The following QKI variants were observed in gnomAD, a reference collection of about 807,000 sequenced individuals.
QKI encodes the protein KH domain-containing RNA-binding protein QKI.
A neutral mutation model predicts 39.0 loss-of-function variants in QKI; 10 were observed. The ratio of observed to expected loss-of-function variants is 0.26; its 90% CI spans 0.16 to 0.43. The LOEUF (loss-of-function observed/expected upper bound fraction) is 0.43. Among genes scored for constraint, QKI ranks in the 20% least tolerant of loss-of-function variants. The pLI, the probability that QKI is intolerant of heterozygous loss-of-function variation, is 1.00. For missense variants in QKI, 218 were observed against 428.0 expected, an observed-to-expected ratio of 0.51 and a Z score of 4.33; for synonymous variants, 204 against 155.4, an observed-to-expected ratio of 1.31 and a Z score of -2.33.
chr6:163,549,206 G>C (rs1782072650), intron 4 of QKI, among the ~76,000 whole-genome samples: 1 of 152,040 alleles, frequency 6.6e-6, no homozygotes, highest in Non-Finnish European at 1.5e-5. Context: ...CAGAGAGGTT[G>C]AGGGGGGGGA....
intron 1 of QKI, among the ~76,000 whole-genome samples, chr6:163,439,568 G>C (rs1035928498): frequency 6.6e-6 from 1 of 150,694 alleles, no homozygotes; most frequent in Non-Finnish European, 1.5e-5. Flanking sequence ...TGGCCAGGCT[G>C]TTCTCAAACT....
chr6:163,561,913 G>A (rs2128250150), intron 4 of QKI, 69 bp from the exon 5 acceptor site: 1 of 1,201,672 alleles, frequency 8.3e-7, no homozygotes. Context: ...TAAGGCTTGT[G>A]TGTAGATATA....
chr6:163,561,785 C>T (rs1421626102), intron 4 of QKI, among the ~76,000 whole-genome samples, 197 bp from the exon 5 acceptor site: 1 of 152,158 alleles, frequency 6.6e-6, no homozygotes, highest in African/African-American at 2.4e-5. Context: ...TGCTGTATAT[C>T]AACATGCCTT....
intron 5 of QKI, 73 bp from the exon 6 acceptor site, chr6:163,563,347 A>T: frequency 7.8e-7 from 1 of 1,283,456 alleles, no homozygotes; most frequent in Non-Finnish European, 1.1e-6. Flanking sequence ...TCTTTTTCCT[A>T]CTCCCTTCTC....
At chr6:163,500,565 T>G (rs2128231451) in intron 3 of QKI, among the ~76,000 whole-genome samples, 1 of 152,292 alleles carries the variant, frequency 6.6e-6, no homozygotes, top group Admixed American at 6.5e-5. Context: ...TCCAATTTCC[T>G]CAATGAAATG....
At chr6:163,416,054 T>TGGGGGGGGGGGGGGGGGGGGGGGGGGGGG (rs4055815) in intron 1 of QKI, 1 of 96,152 alleles carries the variant, frequency 1.0e-5, no homozygotes, top group Non-Finnish European at 2.0e-5. Flanking sequence ...TTTTCGGGGG[T>TGGGGGGGGGGGGGGGGGGGGGGGGGGGGG]GGGGGGGGGG....
intron 4 of QKI, among the ~76,000 whole-genome samples, chr6:163,554,941 C>G (rs2128247631): frequency 6.6e-6 from 1 of 152,272 alleles, no homozygotes; most frequent in East Asian, 1.9e-4. Flanking sequence ...TTTGTCACTT[C>G]CCTCTCATAA....
At chr6:163,426,844 T>G (rs962071727) in intron 1 of QKI, among the ~76,000 whole-genome samples, 1 of 152,222 alleles carries the variant, frequency 6.6e-6, no homozygotes, top group South Asian at 2.1e-4. Flanking sequence ...GACCAATGAA[T>G]TTTTTCTCTC....
At chr6:163,453,987 TTCATATTTGATAGTTCCTA>T in intron 1 of QKI, among the ~76,000 whole-genome samples, 1 of 152,184 alleles carries the variant, frequency 6.6e-6, no homozygotes, top group African/African-American at 2.4e-5. Flanking sequence ...AAAGAGTGCC[TTCATATTTGATAGTTCCTA>T]AGGAACTATC....
chr6:163,541,086 C>A (rs1781476152), intron 4 of QKI, among the ~76,000 whole-genome samples: 1 of 151,930 alleles, frequency 6.6e-6, no homozygotes, highest in Non-Finnish European at 1.5e-5. Flanking sequence ...GTCTTTTGTA[C>A]TTCTGAGACT....
intron 4 of QKI, among the ~76,000 whole-genome samples, chr6:163,544,296 G>A (rs1027786330): frequency 1.2e-4 from 18 of 151,938 alleles, no homozygotes; most frequent in East Asian, 3.9e-4. Context: ...GAGCATGTGC[G>A]TAGGTTATAT....
chr6:163,451,553 T>A (rs1479380373), intron 1 of QKI, among the ~76,000 whole-genome samples: 1 of 152,208 alleles, frequency 6.6e-6, no homozygotes, highest in Non-Finnish European at 1.5e-5. Flanking sequence ...TAAAACAAAT[T>A]TATAATATTT....
intron 1 of QKI, 65 bp downstream of exon 1, chr6:163,415,400 G>A: frequency 1.3e-6 from 2 of 1,498,214 alleles, no homozygotes; most frequent in South Asian, 2.3e-5. Flanking sequence ...TCCCCGCTTG[G>A]GATGGTGGGG....
intron 1 of QKI, among the ~76,000 whole-genome samples, chr6:163,421,932 A>G (rs1387441549): frequency 6.6e-6 from 1 of 151,784 alleles, no homozygotes; most frequent in Non-Finnish European, 1.5e-5. Context: ...TTTAGTAGAG[A>G]CGGGGTTTCA....
Position 163,415,211 on chromosome 6 carries a change from A to C in QKI, c.18A>C (p.Glu6Asp). The C allele has an allele frequency of 1.3e-6, 2 of 1,578,998 alleles. No homozygotes were observed. Among genetic ancestry groups the C allele is most frequent in the African/African-American group, 1.4e-5 (1 of 73,430 alleles). The change falls in exon 1 of 8, where the codon GAA becomes GAC. Residue 6 changes from glutamate to aspartate, a missense_variant. Physicochemically the swap from Glu to Asp is conservative, Grantham distance 45. Coordinates refer to ENST00000361752, the MANE Select transcript of QKI (RefSeq NM_006775.3). ...CCTGGAATATGGTCGGGGAAATGGA[A>C]ACGAAGGAGAAGCCGAAGCCCACCC... MVGEM[E>D]TKEKPKPTPD...
chr6:163,555,221 G>A (rs1420363190), intron 4 of QKI, among the ~76,000 whole-genome samples: 1 of 151,860 alleles, frequency 6.6e-6, no homozygotes, highest in Non-Finnish European at 1.5e-5. Context: ...AGGCTTTGGG[G>A]GTTACAAGGA....
At chr6:163,425,011 A>G (rs1788304326) in intron 1 of QKI, among the ~76,000 whole-genome samples, 1 of 152,196 alleles carries the variant, frequency 6.6e-6, no homozygotes, top group South Asian at 2.1e-4. Flanking sequence ...GCTTTTAGAG[A>G]ATGAGAAAAG....
intron 3 of QKI, among the ~76,000 whole-genome samples, chr6:163,520,736 GA>G (rs1372718176): frequency 3.3e-5 from 5 of 152,126 alleles, no homozygotes; most frequent in African/African-American, 1.2e-4. Context: ...TTACCCAAAG[GA>G]AGTGAAAATA....
At chr6:163,429,235 C>T (rs1346908167) in intron 1 of QKI, among the ~76,000 whole-genome samples, 1 of 152,042 alleles carries the variant, frequency 6.6e-6, no homozygotes, top group African/African-American at 2.4e-5. Context: ...TTATAAAGAA[C>T]TTATTTATCA....
Sources: allele counts gnomAD v4.1 joint callset (sites outside exome capture counted in the v4.1 genomes callset), GRCh38; gene constraint gnomAD v4.1.1; transcripts MANE v1.5; gene names NCBI Gene and HGNC (gene_info 2026-07-23, HGNC 2026-07-21).